DLGAP2: variants seen among roughly 807,000 people sequenced by gnomAD.
DLGAP2 encodes DLG associated protein 2.
A neutral mutation model predicts 100.3 loss-of-function variants in DLGAP2; 26 were observed. That is an observed-to-expected ratio of 0.26 (90% CI 0.19 to 0.36). The LOEUF is 0.36. Among genes scored for constraint, DLGAP2 ranks in the 10% least tolerant of loss-of-function variants. The pLI is 1.00. For synonymous variants in DLGAP2, 886 were observed against 630.1 expected (o/e 1.41, Z -6.08); for missense variants, 1,858 against 1,453.2 (o/e 1.28, Z -4.53).
rs144400197 is a variant in DLGAP2, at chr8:1,235,383, A to G, written c.74-23468A>G. Among the ~76,000 whole-genome samples, 409 of 146,658 alleles carry G rather than the reference A, an allele frequency of 2.8e-3. 1 individual carries two copies. The highest frequency in any genetic ancestry group is 8.8e-3 in the African/African-American group (344 of 39,114). The stretch of plus-strand genomic sequence containing the variant: ...GGCGTCGTGTCTAGTTCCCTCACAC[A>G]TGGCGTTGTGTCTCGTTCTCTCTCA... On this transcript the variant is annotated intron_variant, in intron 2 of 14. Coordinates refer to ENST00000637795, the MANE Select transcript of DLGAP2 (RefSeq NM_001346810.2).
At chr8:917,001 C>T (rs183417546) in intron 2 of DLGAP2, among the ~76,000 whole-genome samples, 1 of 152,310 alleles carries the variant, frequency 6.6e-6, no homozygotes, top group Non-Finnish European at 1.5e-5. Context: ...CTAGGGTTTG[C>T]CCCTTCCTGG....
intron 3 of DLGAP2, among the ~76,000 whole-genome samples, chr8:1,270,020 A>G (rs1047901080): frequency 6.6e-6 from 1 of 152,152 alleles, no homozygotes; most frequent in African/African-American, 2.4e-5. Flanking sequence ...CATTTTCATC[A>G]CAGGCCTTGC....
chr8:1,356,345 A>T (rs1043365741), intron 3 of DLGAP2, among the ~76,000 whole-genome samples: 2 of 152,244 alleles, frequency 1.3e-5, no homozygotes, highest in Non-Finnish European at 2.9e-5. Flanking sequence ...CAGTAAAACA[A>T]ATCCTCATTT....
chr8:926,581 C>T (rs1036962715), intron 2 of DLGAP2, among the ~76,000 whole-genome samples: 1 of 152,252 alleles, frequency 6.6e-6, no homozygotes, highest in African/African-American at 2.4e-5. Flanking sequence ...TCTGCTCCTG[C>T]TGGGAGGAGA....
chr8:907,852 G>C (rs1798411894), intron 1 of DLGAP2, 60 bp from the exon 2 acceptor site: 1 of 398,296 alleles, frequency 2.5e-6, no homozygotes, highest in South Asian at 1.3e-4. Context: ...AACAGTTAAT[G>C]AGATGCCTTC....
At chr8:1,423,750 G>T (rs1035703431) in intron 3 of DLGAP2, among the ~76,000 whole-genome samples, 3 of 152,202 alleles carry the variant, frequency 2.0e-5, no homozygotes, top group Admixed American at 2.0e-4. Flanking sequence ...GGGTGGGGAA[G>T]ACAGCCAGGG....
At chr8:1,536,300 C>G (rs1478642208) in intron 4 of DLGAP2, among the ~76,000 whole-genome samples, 1 of 152,054 alleles carries the variant, frequency 6.6e-6, no homozygotes, top group Non-Finnish European at 1.5e-5. Flanking sequence ...TGACGACTTC[C>G]CGGGATTGTT....
At chr8:799,273 C>G (rs1796098971) in intron 1 of DLGAP2, among the ~76,000 whole-genome samples, 1 of 152,100 alleles carries the variant, frequency 6.6e-6, no homozygotes, top group African/African-American at 2.4e-5. Flanking sequence ...GTGGTCATGC[C>G]CAGGCACTTA....
chr8:1,533,135 GAAAAA>G (rs58058808), intron 4 of DLGAP2, among the ~76,000 whole-genome samples: 31 of 119,754 alleles, frequency 2.6e-4, no homozygotes, highest in African/African-American at 9.3e-4. Context: ...TGATTCTAGG[GAAAAA>G]AAAAAAAAAA....
chr8:1,516,140 A>G (rs530384156), intron 4 of DLGAP2, among the ~76,000 whole-genome samples: 1 of 152,164 alleles, frequency 6.6e-6, no homozygotes, highest in African/African-American at 2.4e-5. Context: ...GGAAAGAGGG[A>G]GGGAATGAGT....
At chr8:1,063,620 T>C (rs892736122) in intron 2 of DLGAP2, among the ~76,000 whole-genome samples, 4 of 151,374 alleles carry the variant, frequency 2.6e-5, no homozygotes, top group Admixed American at 2.6e-4. Flanking sequence ...AGAATGTCAG[T>C]AAAAGGATGT....
At chr8:936,230 G>A (rs1313292529) in intron 2 of DLGAP2, among the ~76,000 whole-genome samples, 1 of 152,216 alleles carries the variant, frequency 6.6e-6, no homozygotes, top group African/African-American at 2.4e-5. Context: ...TAGAGGGCCA[G>A]AGCAAGCAGC....
At chr8:1,306,578 T>C (rs1038639887) in intron 3 of DLGAP2, among the ~76,000 whole-genome samples, 5 of 152,152 alleles carry the variant, frequency 3.3e-5, no homozygotes, top group African/African-American at 9.7e-5. Context: ...GGACCCCAAA[T>C]ACTCAAAACA....
chr8:1,561,336 G>C (rs1438612129), intron 5 of DLGAP2, among the ~76,000 whole-genome samples: 2 of 152,156 alleles, frequency 1.3e-5, no homozygotes, highest in Admixed American at 1.3e-4. Flanking sequence ...AGCGCGGTCT[G>C]TATTCCTCTT....
chr8:863,989 A>G (rs1333841163), intron 1 of DLGAP2, among the ~76,000 whole-genome samples: 8 of 152,210 alleles, frequency 5.3e-5, no homozygotes, highest in Non-Finnish European at 1.0e-4. Context: ...TAAAGAAAAT[A>G]TGGTACACAG....
chr8:1,561,201 G>A (rs1256064776), intron 5 of DLGAP2, among the ~76,000 whole-genome samples: 2 of 152,132 alleles, frequency 1.3e-5, no homozygotes, highest in Non-Finnish European at 2.9e-5. Flanking sequence ...CCATGACTGC[G>A]AGGCCTCCCC....
rs1797470665 is a variant in DLGAP2 at position 1,185,073 on chromosome 8, G to A, written c.74-73778G>A. ...CGTTTCCCAGGAAAGGTCGGGCGAG[G>A]GTTCTGCGTCTTGCGGCCTCTCTTG... On this transcript the variant is annotated intron_variant, in intron 2 of 14. Coordinates refer to ENST00000637795, the MANE Select transcript of DLGAP2 (RefSeq NM_001346810.2). Among the ~76,000 whole-genome samples, 6 of 152,162 alleles carry A rather than the reference G, an allele frequency of 3.9e-5. No homozygotes were observed. The South Asian group carries it at 1.2e-3, about 32-fold the overall frequency.
chr8:1,144,752 G>A (rs968665635), intron 2 of DLGAP2, among the ~76,000 whole-genome samples: 3 of 152,174 alleles, frequency 2.0e-5, no homozygotes, highest in Non-Finnish European at 2.9e-5. Context: ...AACACACAGC[G>A]CACAGTCAAA....
At chr8:1,316,289 T>C (rs1220923175) in intron 3 of DLGAP2, among the ~76,000 whole-genome samples, 1 of 132,188 alleles carries the variant, frequency 7.6e-6, no homozygotes, top group Admixed American at 7.8e-5. Context: ...GCAGCGTCTC[T>C]CCAACAGTGG....
Sources: gnomAD v4.1 joint callset for allele counts (sites outside exome capture counted in the v4.1 genomes callset) on GRCh38, gnomAD v4.1.1 for gene constraint, MANE v1.5 for transcripts, NCBI Gene and HGNC (gene_info 2026-07-23, HGNC 2026-07-21) for gene names.